FLCN: variants seen among roughly 807,000 people sequenced by gnomAD.
FLCN encodes folliculin.
FLCN carries 22 observed loss-of-function variants against 62.5 expected under a neutral mutation model. The observed-to-expected ratio is 0.35, with a 90% CI of 0.25 to 0.50. The LOEUF (loss-of-function observed/expected upper bound fraction) is 0.50. Among genes scored for constraint, FLCN ranks in the 20% least tolerant of loss-of-function variants. The probability of loss-of-function intolerance (pLI) is 0.97; values close to 1 mark genes in which losing one functional copy is unlikely to be tolerated. For synonymous variants in FLCN, 319 were observed against 310.0 expected, an observed-to-expected ratio of 1.03 and a Z score of -0.30; for missense variants, 657 against 778.0, an observed-to-expected ratio of 0.84 and a Z score of 1.85.
Position 17,216,230 on chromosome 17 carries a change from G to T in FLCN, c.1300+150C>A, listed in dbSNP as rs2046914726. ...ACCCACCGCTACCTGTGTGAAGATA[G>T]AACACGGAGGCCCAGAGCCATGGGG... On this transcript the variant is annotated intron_variant, in intron 11 of 13. Transcript: ENST00000285071. This position sits in a 1 kb window ranked among gnomAD's most constrained non-coding sequence, Gnocchi z 4.0. The T allele has an allele frequency of 3.3e-6, 4 of 1,195,632 alleles. No individual in the cohort carries two copies. The highest frequency in any genetic ancestry group is 4.6e-6 in the Non-Finnish European group (4 of 864,006). 74.1% of individuals were successfully genotyped at this position (1,195,632 alleles called of 1,614,324 possible).
intron 1 of FLCN, chr17:17,236,120 G>A (rs2047575332): frequency 6.6e-6 from 1 of 152,190 alleles, no homozygotes; most frequent in South Asian, 2.1e-4. Context: ...AACCAGCAGT[G>A]GACACACAGC....
rs753313171 is a variant in FLCN, at chr17:17,213,677, G to A, written c.1718C>T (p.Thr573Ile). 2 of 1,614,204 alleles carry A rather than the reference G, an allele frequency of 1.2e-6. No homozygotes were observed. Among genetic ancestry groups the A allele is most frequent in the Admixed American group, 1.7e-5 (1 of 60,018 alleles). ...SHLMSTVRSP[T>I]ASESRN ...GGGTCAGTTCCGAGACTCCGAGGCTGTGGGGCTGCGGACCGTGGACATGAG... is the reference window on the plus strand; with the variant it reads ...GGGTCAGTTCCGAGACTCCGAGGCTATGGGGCTGCGGACCGTGGACATGAG... Residue 573 changes from threonine (T) to isoleucine (I), a missense_variant, in exon 14 of 14, where the codon ACA (threonine) becomes ATA (isoleucine). Thr to Ile is a moderately conservative substitution (Grantham distance 89). Coordinates refer to ENST00000285071, the MANE Select transcript of FLCN (RefSeq NM_144997.7).
At chr17:17,221,107 G>A in intron 8 of FLCN, 2 of 1,326,634 alleles carry the variant, frequency 1.5e-6, no homozygotes, top group East Asian at 3.0e-5. Context: ...TCAGGAACCT[G>A]GGGAAGCCCA....
intron 3 of FLCN, among the ~76,000 whole-genome samples, chr17:17,229,747 A>G (rs1217571348): frequency 6.6e-6 from 1 of 152,242 alleles, no homozygotes; most frequent in Non-Finnish European, 1.5e-5. Context: ...ACCTTAACAC[A>G]GTTTCCGGTG....
At chr17:17,228,314 C>T (rs2047322007) in intron 3 of FLCN, 153 bp from the exon 4 acceptor site, 1 of 887,314 alleles carries the variant, frequency 1.1e-6, no homozygotes, top group African/African-American at 1.7e-5. Flanking sequence ...GCCAGCACTG[C>T]TTTGCCCCAG....
chr17:17,214,504 G>A (rs1048750346), intron 13 of FLCN, among the ~76,000 whole-genome samples: 34 of 152,206 alleles, frequency 2.2e-4, no homozygotes, highest in African/African-American at 7.9e-4. Context: ...TGAGGCAGAA[G>A]AATCGCTTGA....
chr17:17,223,827 A>C, intron 6 of FLCN, 95 bp downstream of exon 6: 1 of 1,255,040 alleles, frequency 8.0e-7, no homozygotes, highest in South Asian at 1.2e-5. Context: ...GCAGAGGGGA[A>C]GACGCCACGC....
At chr17:17,214,956 A>T in intron 13 of FLCN, 29 bp downstream of exon 13, 1 of 1,609,024 alleles carries the variant, frequency 6.2e-7, no homozygotes. Context: ...GGTCGCAAGC[A>T]AAGGGGCCTC....
chr17:17,223,864 G>T, intron 6 of FLCN, 58 bp downstream of exon 6: 2 of 1,573,820 alleles, frequency 1.3e-6, no homozygotes, highest in South Asian at 1.1e-5. Flanking sequence ...CCTCAGCACA[G>T]AGCGGCTCAT....
At chr17:17,230,943 T>A (rs958626474) in intron 3 of FLCN, among the ~76,000 whole-genome samples, 2 of 152,034 alleles carry the variant, frequency 1.3e-5, no homozygotes, top group African/African-American at 2.4e-5. Flanking sequence ...ATGCCTGTAA[T>A]CCCAGCACTT....
chr17:17,214,329 C>T (rs925363385), intron 13 of FLCN, among the ~76,000 whole-genome samples: 1 of 150,424 alleles, frequency 6.6e-6, no homozygotes, highest in African/African-American at 2.4e-5. Flanking sequence ...GGTGCAGTGG[C>T]TCACGCCTGT....
chr17:17,218,952 T>A, intron 9 of FLCN, 67 bp downstream of exon 9: 3 of 1,574,696 alleles, frequency 1.9e-6, no homozygotes, highest in Non-Finnish European at 2.6e-6. Flanking sequence ...GCAAGGCGTG[T>A]GGGCAGGGAC....
intron 4 of FLCN, 21 bp from the exon 5 acceptor site, chr17:17,226,343 T>G: frequency 6.2e-7 from 1 of 1,614,070 alleles, no homozygotes; most frequent in Non-Finnish European, 8.5e-7. Flanking sequence ...AAAGGAAAAG[T>G]AAATCTGTTA....
At chr17:17,234,214 G>GTTTTTT (rs1436629658) in intron 1 of FLCN, among the ~76,000 whole-genome samples, 2 of 125,298 alleles carry the variant, frequency 1.6e-5, no homozygotes. Context: ...TTTTTTTTTG[G>GTTTTTT]TTTGTTTTTT....
At chr17:17,214,849 T>C in intron 13 of FLCN, 136 bp downstream of exon 13, 1 of 899,308 alleles carries the variant, frequency 1.1e-6, no homozygotes, top group Non-Finnish European at 1.8e-6. Context: ...GTGGCGGACG[T>C]GGAGTTGGAA....
chr17:17,234,208 T>TTG (rs1567832915), intron 1 of FLCN, among the ~76,000 whole-genome samples: 4 of 145,394 alleles, frequency 2.8e-5, no homozygotes, highest in South Asian at 2.1e-4. Context: ...GTTTTGTTTT[T>TTG]TTTTGGTTTG....
chr17:17,214,088 T>G (rs1213452789), intron 13 of FLCN, among the ~76,000 whole-genome samples: 1 of 151,930 alleles, frequency 6.6e-6, no homozygotes, highest in Admixed American at 6.6e-5. Context: ...CGGGTATGGG[T>G]ATGGGGCCTG....
At chr17:17,223,885 G>GC in intron 6 of FLCN, 37 bp downstream of exon 6, 8 of 1,608,908 alleles carry the variant, frequency 5.0e-6, no homozygotes, top group Non-Finnish European at 6.8e-6. Context: ...GCAGTGCAGG[G>GC]CCCCCTGCCG....
chr17:17,216,201 A>G lies in FLCN; in HGVS notation c.1300+179T>C, dbSNP rs1400136320. Among the ~76,000 whole-genome samples the G allele has an allele frequency of 6.6e-6, 1 of 151,998 alleles. No homozygotes were observed. Among genetic ancestry groups the G allele is most frequent in the Admixed American group, 6.6e-5 (1 of 15,266 alleles). On this transcript the variant is annotated intron_variant, in intron 11 of 13. Coordinates refer to ENST00000285071, the MANE Select transcript of FLCN (RefSeq NM_144997.7). The surrounding 1 kb of genome is among the most constrained non-coding windows in gnomAD (Gnocchi z 4.0). ...GCCAGCCAACCTTCCCATCAGGTCC[A>G]CTCACCCACCGCTACCTGTGTGAAG...
Sources: gnomAD v4.1 joint callset for allele counts (sites outside exome capture counted in the v4.1 genomes callset) on GRCh38, gnomAD v4.1.1 for gene constraint, Gnocchi (gnomAD v3.1) non-coding constraint, MANE v1.5 for transcripts, NCBI Gene and HGNC (gene_info 2026-07-23, HGNC 2026-07-21) for gene names.